CD99L2: variants seen among roughly 807,000 people sequenced by gnomAD.
CD99L2 encodes CD99 molecule like 2.
Under a neutral mutation model 27.3 loss-of-function variants are expected in CD99L2, and 24 were observed. The observed-to-expected ratio is 0.88, with a 90% CI of 0.64 to 1.24. The LOEUF is 1.24. Among genes scored for constraint, CD99L2 ranks in the 50% most tolerant of loss-of-function variants. CD99L2 has a pLI of 0.00. For missense variants in CD99L2, 255 were observed against 221.6 expected, an observed-to-expected ratio of 1.15 and a Z score of -0.96; for synonymous variants, 97 against 87.9, an observed-to-expected ratio of 1.10 and a Z score of -0.58.
chrX:150,779,804 A>C (rs1480760231), intron 7 of CD99L2, among the ~76,000 whole-genome samples: 2 of 112,444 alleles, frequency 1.8e-5, no homozygotes, highest in African/African-American at 6.5e-5. Flanking sequence ...GGGGTAAAAA[A>C]TGACTTTCTA....
chrX:150,795,535 T>C (rs1308897034), intron 4 of CD99L2, 49 bp from the exon 5 acceptor site: 46 of 1,147,891 alleles, frequency 4.0e-5, no homozygotes, highest in Non-Finnish European at 5.5e-5. Flanking sequence ...AGGAACAAAA[T>C]GCAGCAGCCA....
At chrX:150,856,944 G>T (rs2046899791) in intron 1 of CD99L2, among the ~76,000 whole-genome samples, 1 of 110,301 alleles carries the variant, frequency 9.1e-6, no homozygotes, top group African/African-American at 3.3e-5. Context: ...AATTCTGGAA[G>T]TGAAGAATTC....
intron 1 of CD99L2, among the ~76,000 whole-genome samples, chrX:150,879,370 G>C (rs979768646): frequency 8.9e-6 from 1 of 111,747 alleles, no homozygotes; most frequent in Non-Finnish European, 1.9e-5. Context: ...AAGGGAGAAG[G>C]TGGCAATTGA....
chrX:150,791,841 C>T (rs1328190269), intron 7 of CD99L2, among the ~76,000 whole-genome samples: 2 of 111,228 alleles, frequency 1.8e-5, no homozygotes, highest in East Asian at 5.6e-4. Flanking sequence ...TGTGGGGCTT[C>T]TACAGGGTAA....
intron 4 of CD99L2, among the ~76,000 whole-genome samples, chrX:150,800,402 C>T (rs1441591622): frequency 9.1e-6 from 1 of 110,474 alleles, no homozygotes; most frequent in Admixed American, 9.6e-5. Context: ...TCAAAATATT[C>T]AAAGAACAAA....
chrX:150,852,253 TAGG>T (rs1569566077), intron 1 of CD99L2, among the ~76,000 whole-genome samples: 1 of 111,394 alleles, frequency 9.0e-6, no homozygotes, highest in Admixed American at 9.5e-5. Flanking sequence ...GACTTGTTTG[TAGG>T]AGGCCAGTTG....
chrX:150,831,825 A>C (rs1339562970), intron 1 of CD99L2, among the ~76,000 whole-genome samples: 1 of 112,204 alleles, frequency 8.9e-6, no homozygotes, highest in Non-Finnish European at 1.9e-5. Flanking sequence ...TTATATGCTA[A>C]AGGGGTCAAT....
intron 6 of CD99L2, among the ~76,000 whole-genome samples, chrX:150,794,495 AAG>A (rs1557419832): frequency 3.6e-5 from 4 of 112,334 alleles, no homozygotes; most frequent in Non-Finnish European, 7.5e-5. Context: ...AAACTGACAC[AAG>A]GAAGCAGAAA....
Position 150,867,786 on chromosome X carries a change from G to A in CD99L2, c.67+30736C>T, listed in dbSNP as rs541960151. Among the ~76,000 whole-genome samples, 16 of 107,618 alleles carry A rather than the reference G, an allele frequency of 1.5e-4. No individual in the cohort carries two copies. The Middle Eastern group carries it at 0.03, about 199-fold the overall frequency. The allele number at this position is 107,618 out of a possible 115,157, so 93.5% of individuals were successfully genotyped here. On this transcript the variant is annotated intron_variant, in intron 1 of 10. Coordinates refer to ENST00000370377, the MANE Select transcript of CD99L2 (RefSeq NM_031462.4). ...CATGTGCCTATAATCCCAGCTACTCGGGAGGCTGAGGCAGGAGAATCGCTT... is the reference window on the plus strand; with the variant it reads ...CATGTGCCTATAATCCCAGCTACTCAGGAGGCTGAGGCAGGAGAATCGCTT...
chrX:150,880,379 A>G (rs143494934), intron 1 of CD99L2, among the ~76,000 whole-genome samples: 97 of 112,441 alleles, frequency 8.6e-4, no homozygotes, highest in African/African-American at 3.0e-3. Flanking sequence ...AAAGGAATGA[A>G]TATCTGATCC....
At chrX:150,898,468 G>A (rs1557423145) in intron 1 of CD99L2, 54 bp downstream of exon 1, 13 of 1,001,901 alleles carry the variant, frequency 1.3e-5, no homozygotes, top group Non-Finnish European at 1.7e-5. Flanking sequence ...GCGACCCCTG[G>A]GCCCACAAGG....
At chrX:150,836,486 C>T (rs2046530357) in intron 1 of CD99L2, among the ~76,000 whole-genome samples, 1 of 110,821 alleles carries the variant, frequency 9.0e-6, no homozygotes, top group Admixed American at 9.6e-5. Context: ...TGCCACCACG[C>T]CCAGCTAATT....
At chrX:150,777,666 C>T (rs1472988311) in intron 7 of CD99L2, among the ~76,000 whole-genome samples, 184 bp from the exon 8 acceptor site, 4 of 112,850 alleles carry the variant, frequency 3.5e-5, no homozygotes, top group African/African-American at 1.3e-4. Flanking sequence ...ATGCCTACCA[C>T]CTGCAAAGCC....
rs142727250 is a variant in CD99L2, at chrX:150,792,658, T to C, written c.496+1033A>G. Among the ~76,000 whole-genome samples the C allele has an allele frequency of 3.2e-3, 358 of 112,090 alleles. 1 individual carries two copies. The highest frequency in any genetic ancestry group is 6.3e-3 in the Admixed American group (67 of 10,581). On this transcript the variant is annotated intron_variant, in intron 7 of 10. Transcript: ENST00000370377. ...AGTTACAACCAGATACACCCATAAC[T>C]TGTCACACTTATAACCGGGTGTAAC...
intron 2 of CD99L2, among the ~76,000 whole-genome samples, chrX:150,821,211 T>C (rs1853113587): frequency 9.0e-6 from 1 of 111,669 alleles, no homozygotes; most frequent in African/African-American, 3.3e-5. Flanking sequence ...AATAGCCAAA[T>C]CGATCTTTAA....
At chrX:150,770,659 C>T (rs1434950630) in intron 9 of CD99L2, among the ~76,000 whole-genome samples, 5 of 113,169 alleles carry the variant, frequency 4.4e-5, no homozygotes, top group Admixed American at 2.8e-4. Context: ...CGCGTCAAGA[C>T]GGCAGCTCCG....
chrX:150,884,162 C>T (rs1274379446), intron 1 of CD99L2, among the ~76,000 whole-genome samples: 2 of 111,953 alleles, frequency 1.8e-5, no homozygotes, highest in Non-Finnish European at 3.8e-5. Flanking sequence ...TAAATATACT[C>T]AAAATTATTG....
At chrX:150,822,718 G>A (rs1281660255) in intron 2 of CD99L2, among the ~76,000 whole-genome samples, 6 of 112,408 alleles carry the variant, frequency 5.3e-5, no homozygotes, top group African/African-American at 1.9e-4. Flanking sequence ...TTACCAAGTT[G>A]TATATGTGTC....
chrX:150,846,315 G>T (rs1291344105), intron 1 of CD99L2, among the ~76,000 whole-genome samples: 1 of 112,426 alleles, frequency 8.9e-6, no homozygotes, highest in African/African-American at 3.2e-5. Flanking sequence ...TCTGGTCAAA[G>T]GCTGTTCCAG....
Sources: allele counts gnomAD v4.1 joint callset (sites outside exome capture counted in the v4.1 genomes callset), GRCh38; gene constraint gnomAD v4.1.1; transcripts MANE v1.5; gene names NCBI Gene and HGNC (gene_info 2026-07-23, HGNC 2026-07-21).